Variants in GLE1 observed in about 807,000 individuals in gnomAD.
The protein encoded by GLE1 is mRNA export factor GLE1.
A neutral mutation model predicts 97.3 loss-of-function variants in GLE1; 78 were observed. The observed-to-expected ratio is 0.80, with a 90% CI of 0.67 to 0.97. The LOEUF (loss-of-function observed/expected upper bound fraction) is 0.97. Among genes scored for constraint, GLE1 ranks in the 50% least tolerant of loss-of-function variants. GLE1 has a pLI of 0.00. For missense variants in GLE1, 753 were observed against 857.5 expected (o/e 0.88, Z 1.52); for synonymous variants, 302 against 313.4 (o/e 0.96, Z 0.39).
intron 14 of GLE1, 101 bp from the exon 15 acceptor site, chr9:128,540,174 C>T (rs150635848): frequency 7.1e-4 from 592 of 828,844 alleles, no homozygotes; most frequent in Non-Finnish European, 1.0e-3. Flanking sequence ...TATGATCGCA[C>T]CACCGCGCTG....
intron 4 of GLE1, among the ~76,000 whole-genome samples, chr9:128,523,024 A>G (rs1449550718): frequency 6.6e-6 from 1 of 152,156 alleles, no homozygotes; most frequent in African/African-American, 2.4e-5. Context: ...AGGAGAGGTA[A>G]AACAATTTTA....
intron 12 of GLE1, among the ~76,000 whole-genome samples, chr9:128,537,700 C>G (rs1475051095): frequency 6.6e-6 from 1 of 152,120 alleles, no homozygotes; most frequent in Non-Finnish European, 1.5e-5. Flanking sequence ...GTCCCAGCTA[C>G]TTGGGAGACT....
At position 128,542,237 on chromosome 9, in the gene GLE1, GTTAA is replaced by G. The variant is rs1262399029; in HGVS notation, c.*1072_*1075del. 4 of 152,102 alleles carry G rather than the reference GTTAA, an allele frequency of 2.6e-5. No homozygotes were observed. Among genetic ancestry groups the G allele is most frequent in the Admixed American group, 2.0e-4 (3 of 15,252 alleles). The allele number at this position is 152,102 out of a possible 1,614,324, so 9.4% of individuals were successfully genotyped here. A position where few individuals can be genotyped will look rare whatever the true frequency, so the allele number is the denominator to read the frequency against. On this transcript the variant is annotated 3_prime_UTR_variant, in exon 16 of 16. Transcript: ENST00000309971. ...CCTGAAGTGACCCATTCTATGAATT[GTTAA>G]TTAAGGTGCCAAAAAAAATTAATAA...
intron 12 of GLE1, among the ~76,000 whole-genome samples, chr9:128,537,528 C>T (rs961410393): frequency 6.8e-6 from 1 of 147,934 alleles, no homozygotes; most frequent in Non-Finnish European, 1.5e-5. Context: ...GAAGGCTGGG[C>T]GAGGTAGATT....
At chr9:128,525,965 G>T (rs1847289411) in intron 7 of GLE1, among the ~76,000 whole-genome samples, 1 of 152,132 alleles carries the variant, frequency 6.6e-6, no homozygotes, top group Admixed American at 6.6e-5. Context: ...GTTTGAGAGT[G>T]CTGACTCTGG....
intron 3 of GLE1, among the ~76,000 whole-genome samples, chr9:128,518,179 GT>G (rs1847040228): frequency 6.8e-6 from 1 of 147,556 alleles, no homozygotes; most frequent in Non-Finnish European, 1.5e-5. Context: ...TCCGTATTCT[GT>G]TAGTCACGGT....
chr9:128,513,708 CAAA>C (rs374811299), intron 2 of GLE1, among the ~76,000 whole-genome samples: 6 of 115,208 alleles, frequency 5.2e-5, no homozygotes, highest in Admixed American at 9.4e-5. Flanking sequence ...GACCCTGTCT[CAAA>C]AAAAAAAAAA....
intron 3 of GLE1, among the ~76,000 whole-genome samples, chr9:128,521,614 A>G (rs891858527): frequency 6.6e-6 from 1 of 152,224 alleles, no homozygotes; most frequent in African/African-American, 2.4e-5. Flanking sequence ...AGATTTTGAC[A>G]TATCTCCATG....
At chr9:128,524,952 A>T (rs1039972719) in intron 6 of GLE1, among the ~76,000 whole-genome samples, 13 of 152,136 alleles carry the variant, frequency 8.5e-5, no homozygotes, top group African/African-American at 2.2e-4. Context: ...CAAACTTTTT[A>T]AAAAATTACG....
chr9:128,528,636 G>A (rs974601820), intron 9 of GLE1, among the ~76,000 whole-genome samples: 5 of 152,140 alleles, frequency 3.3e-5, no homozygotes, highest in African/African-American at 1.2e-4. Context: ...TACCTTTTAT[G>A]GCAAATTATT....
At position 128,513,783 on chromosome 9, in the gene GLE1, A is replaced by C. The variant is rs187240098; in HGVS notation, c.322-1746A>C. 4.8e-3 allele frequency among the ~76,000 whole-genome samples: 732 copies of C among 151,914 alleles called. 5 individuals are homozygous for C. The highest frequency in any genetic ancestry group is 0.017 in the African/African-American group (694 of 41,480). On this transcript the variant is annotated intron_variant, in intron 2 of 15. Transcript: ENST00000309971. ...TGTAATCCCAGCACTTTGGAAGGCC[A>C]AGGCGGGTGGATCACGAGGTCAAGA...
Position 128,515,596 on chromosome 9 carries a change from G to A in GLE1, c.389G>A (p.Gly130Asp), listed in dbSNP as rs17852725. Residue 130 changes from glycine to aspartate, a missense_variant, in exon 3 of 16, where the codon GGC becomes GAC. Transcript: ENST00000309971. ...LQSSRGIKVEGCVRMYELVHR... is the reference protein window; with the variant it reads ...LQSSRGIKVEDCVRMYELVHR... ...TCCTCACGGGGGATCAAAGTGGAAG[G>A]CTGCGTCCGAATGTACGAACTGGTA... The A allele has an allele frequency of 6.2e-7, 1 of 1,607,946 alleles. No individual in the cohort carries two copies. The highest frequency in any genetic ancestry group is 8.5e-7 in the Non-Finnish European group (1 of 1,174,384).
intron 3 of GLE1, among the ~76,000 whole-genome samples, chr9:128,521,346 C>T (rs982871493): frequency 6.6e-6 from 1 of 151,990 alleles, no homozygotes; most frequent in Non-Finnish European, 1.5e-5. Flanking sequence ...CCATCCTGGG[C>T]AATATAGTGA....
At chr9:128,539,251 T>C (rs1442811207) in intron 13 of GLE1, among the ~76,000 whole-genome samples, 1 of 151,826 alleles carries the variant, frequency 6.6e-6, no homozygotes, top group Non-Finnish European at 1.5e-5. Context: ...AATAAAAAGC[T>C]CCTGAAGTCA....
intron 2 of GLE1, among the ~76,000 whole-genome samples, chr9:128,514,270 T>C (rs1846911913): frequency 6.9e-6 from 1 of 144,892 alleles, no homozygotes; most frequent in African/African-American, 2.6e-5. Flanking sequence ...AGCTGGAAGG[T>C]CCAGGCTGTA....
At chr9:128,507,281 GAGGCC>G (rs1374500244) in intron 1 of GLE1, among the ~76,000 whole-genome samples, 3 of 152,090 alleles carry the variant, frequency 2.0e-5, no homozygotes, top group Non-Finnish European at 4.4e-5. Flanking sequence ...ACGAGTGCTT[GAGGCC>G]AGTTCAAGCT....
At position 128,538,039 on chromosome 9, in the gene GLE1, C is replaced by T; in HGVS notation, c.1830C>T (p.Asn610=). 1 of 1,612,942 alleles carries T rather than the reference C, an allele frequency of 6.2e-7. No homozygotes were observed. Among genetic ancestry groups the T allele is most frequent in the Non-Finnish European group, 8.5e-7 (1 of 1,178,878 alleles). The change falls in exon 13 of 16, where the codon AAC becomes AAT. Residue 610 remains asparagine, a synonymous_variant. Transcript: ENST00000309971. The part of the protein sequence containing the change: ...HGWRWLAQIL[N]MEPLSDVTAT... ...GGCGCTGGTTGGCACAGATCTTAAA[C>T]ATGGAGCCCTTGTCAGATGTGACAG...
chr9:128,528,861 G>A (rs1264814753), intron 9 of GLE1: 1 of 152,216 alleles, frequency 6.6e-6, no homozygotes, highest in Non-Finnish European at 1.5e-5. Context: ...TTTAGAACCA[G>A]AGGTTCATTT....
intron 12 of GLE1, among the ~76,000 whole-genome samples, chr9:128,537,290 T>G (rs1847740812): frequency 6.7e-6 from 1 of 149,660 alleles, no homozygotes; most frequent in African/African-American, 2.5e-5. Flanking sequence ...CCGTCTCTAC[T>G]AAAAATACAA....
Sources: allele counts gnomAD v4.1 joint callset (sites outside exome capture counted in the v4.1 genomes callset), GRCh38; gene constraint gnomAD v4.1.1; transcripts MANE v1.5; gene names NCBI Gene and HGNC (gene_info 2026-07-23, HGNC 2026-07-21).